Variants in DCDC2 observed in about 807,000 individuals in gnomAD.
The protein encoded by DCDC2 is doublecortin domain-containing protein 2.
In DCDC2, 40 loss-of-function variants were observed where a neutral mutation model predicts 50.2. The observed-to-expected ratio is 0.80, with a 90% confidence interval of 0.62 to 1.04. DCDC2 has a LOEUF of 1.04. Among genes scored for constraint, DCDC2 ranks in the 50% least tolerant of loss-of-function variants. DCDC2 has a pLI of 0.00. For synonymous variants in DCDC2, 234 were observed against 210.6 expected (o/e 1.11, Z -0.96); for missense variants, 570 against 581.9 (o/e 0.98, Z 0.21).
chr6:24,186,378 T>C (rs1761203553), intron 8 of DCDC2, among the ~76,000 whole-genome samples: 1 of 152,196 alleles, frequency 6.6e-6, no homozygotes, highest in Non-Finnish European at 1.5e-5. Flanking sequence ...TTGTATAGAA[T>C]GGGAAATTGA....
chr6:24,379,311 A>G, the DCDC2 span, among the ~76,000 whole-genome samples: 1 of 152,156 alleles, frequency 6.6e-6, no homozygotes, highest in Non-Finnish European at 1.5e-5. Flanking sequence ...GCTAATATCC[A>G]GAATCTACAG....
chr6:24,264,677 A>C (rs1388404139), intron 7 of DCDC2, among the ~76,000 whole-genome samples: 2 of 152,128 alleles, frequency 1.3e-5, no homozygotes, highest in East Asian at 3.8e-4. Flanking sequence ...CACCAGAGAA[A>C]ATTGTCTTCA....
At chr6:24,209,572 T>C (rs761420736) in intron 7 of DCDC2, among the ~76,000 whole-genome samples, 21 of 152,176 alleles carry the variant, frequency 1.4e-4, no homozygotes, top group African/African-American at 5.1e-4. Context: ...ACCTGTGAAC[T>C]TTTTAGTGTG....
chr6:24,232,459 T>C (rs751124439), intron 7 of DCDC2, among the ~76,000 whole-genome samples: 2 of 152,180 alleles, frequency 1.3e-5, no homozygotes, highest in Non-Finnish European at 2.9e-5. Context: ...TCACCAATAC[T>C]AAAGTGTAAG....
intron 7 of DCDC2, among the ~76,000 whole-genome samples, chr6:24,239,562 T>G (rs908484253): frequency 6.6e-6 from 1 of 152,136 alleles, no homozygotes; most frequent in Admixed American, 6.5e-5. Context: ...CCTGCCACAT[T>G]AGGTCCAGGA....
At chr6:24,283,899 C>T (rs1031596772) in intron 6 of DCDC2, among the ~76,000 whole-genome samples, 1 of 152,198 alleles carries the variant, frequency 6.6e-6, no homozygotes, top group African/African-American at 2.4e-5. Context: ...TCTACTCAAA[C>T]GTGACCTCCT....
chr6:24,358,818 A>ATATTAATTATATT (rs1184941607), upstream of DCDC2, among the ~76,000 whole-genome samples: 1 of 45,742 alleles, frequency 2.2e-5, no homozygotes, highest in Non-Finnish European at 3.4e-5. Context: ...ATATATAAAT[A>ATATTAATTATATT]TATATATTAT....
In DCDC2 at chr6:24,172,280, T is replaced by A. The variant is rs1760794966; in HGVS notation, c.*2450A>T. On this transcript the variant is annotated 3_prime_UTR_variant, in exon 10 of 10. Coordinates refer to ENST00000378454, the MANE Select transcript of DCDC2 (RefSeq NM_016356.5). ...AAGTGATAAGTCGTTATTCATCCCC[T>A]CAAAGTAGGTCACAATTGTATCTTG... 1 of 152,186 alleles carries A rather than the reference T, an allele frequency of 6.6e-6. No individual in the cohort carries two copies. Among genetic ancestry groups the A allele is most frequent in the South Asian group, 2.1e-4 (1 of 4,816 alleles). 9.4% of individuals were successfully genotyped at this position (152,186 alleles called of 1,614,324 possible). A position where few individuals can be genotyped will look rare whatever the true frequency, so the allele number is the denominator to read the frequency against.
intron 7 of DCDC2, among the ~76,000 whole-genome samples, chr6:24,232,206 A>T (rs2113784061): frequency 6.6e-6 from 1 of 152,356 alleles, no homozygotes; most frequent in East Asian, 1.9e-4. Context: ...ATTCACATAA[A>T]GTGCCATAAA....
chr6:24,186,069 C>A (rs1012717899), intron 8 of DCDC2, among the ~76,000 whole-genome samples: 1 of 152,218 alleles, frequency 6.6e-6, no homozygotes, highest in South Asian at 2.1e-4. Flanking sequence ...TTTCACAACA[C>A]ATTTACCATC....
intron 7 of DCDC2, among the ~76,000 whole-genome samples, chr6:24,250,756 A>C (rs1433533451): frequency 6.6e-6 from 1 of 151,702 alleles, no homozygotes; most frequent in East Asian, 1.9e-4. Flanking sequence ...GAAAAAAAAA[A>C]CAGAAAATAT....
Position 24,268,544 on chromosome 6 carries a change from C to T in DCDC2, c.922+9505G>A, listed in dbSNP as rs116483311. Reference sequence around the variant, plus strand: ...GAAACTACTGCTCAATGGAACCCAACTTAGGAAATGACAGTAAACGCCCTG... The same window carrying T: ...GAAACTACTGCTCAATGGAACCCAATTTAGGAAATGACAGTAAACGCCCTG... On this transcript the variant is annotated intron_variant, in intron 7 of 9. Coordinates refer to ENST00000378454, the MANE Select transcript of DCDC2 (RefSeq NM_016356.5). Among the ~76,000 whole-genome samples the T allele has an allele frequency of 2.8e-3, 422 of 152,242 alleles. 1 individual carries two copies. The highest frequency in any genetic ancestry group is 3.4e-3 in the Non-Finnish European group (232 of 68,012).
chr6:24,370,251 TTGG>T, the DCDC2 span, among the ~76,000 whole-genome samples: 1 of 152,090 alleles, frequency 6.6e-6, no homozygotes, highest in African/African-American at 2.4e-5. Flanking sequence ...AAAATAAGTC[TTGG>T]TGGGAATGTG....
chr6:24,196,133 T>C (rs1761431726), intron 8 of DCDC2, among the ~76,000 whole-genome samples: 1 of 152,200 alleles, frequency 6.6e-6, no homozygotes, highest in South Asian at 2.1e-4. Context: ...TGTATTTAAG[T>C]ATCTTTTCTA....
intron 7 of DCDC2, among the ~76,000 whole-genome samples, chr6:24,225,424 C>A (rs1259056940): frequency 6.6e-6 from 1 of 152,076 alleles, no homozygotes; most frequent in Admixed American, 6.5e-5. Context: ...CACACACACA[C>A]AAATATGTGT....
At chr6:24,185,496 C>T (rs12201362) in intron 8 of DCDC2, among the ~76,000 whole-genome samples, 17 of 152,106 alleles carry the variant, frequency 1.1e-4, no homozygotes, top group African/African-American at 2.9e-4. Context: ...ATTATTACAA[C>T]GACACTACAA....
chr6:24,363,277 T>G, the DCDC2 span, among the ~76,000 whole-genome samples: 1 of 152,148 alleles, frequency 6.6e-6, no homozygotes, highest in East Asian at 1.9e-4. Context: ...GTGGATTGCT[T>G]GAGCCCAGCA....
At chr6:24,303,700 C>T (rs750219100) in intron 2 of DCDC2, among the ~76,000 whole-genome samples, 2 of 152,132 alleles carry the variant, frequency 1.3e-5, no homozygotes, top group Non-Finnish European at 2.9e-5. Context: ...TGGCAAGCAC[C>T]GTACTAAGTA....
At chr6:24,295,058 A>G (rs763132600) in intron 4 of DCDC2, among the ~76,000 whole-genome samples, 7 of 152,184 alleles carry the variant, frequency 4.6e-5, no homozygotes, top group South Asian at 4.1e-4. Flanking sequence ...ATGAACATCA[A>G]TACAAAAGTC....
Sources: gnomAD v4.1 joint callset for allele counts (sites outside exome capture counted in the v4.1 genomes callset) on GRCh38, gnomAD v4.1.1 for gene constraint, MANE v1.5 for transcripts, NCBI Gene and HGNC (gene_info 2026-07-23, HGNC 2026-07-21) for gene names.